Variants in UNC13B observed in about 807,000 individuals in gnomAD.
UNC13B encodes the protein protein unc-13 homolog B.
UNC13B carries 144 observed loss-of-function variants against 211.0 expected under a neutral mutation model. The observed-to-expected ratio is 0.68, with a 90% CI of 0.60 to 0.78. UNC13B has a LOEUF of 0.78. Ranked by LOEUF, UNC13B falls within the 30% of genes least tolerant of loss-of-function variation. The pLI is 0.00. For synonymous variants in UNC13B, 709 were observed against 725.8 expected (o/e 0.98, Z 0.37); for missense variants, 1,777 against 2,002.0 (o/e 0.89, Z 2.14).
intron 7 of UNC13B, among the ~76,000 whole-genome samples, chr9:35,281,298 C>T (rs1828473430): frequency 6.7e-6 from 1 of 150,248 alleles, no homozygotes; most frequent in Admixed American, 6.6e-5. Flanking sequence ...TTCCTGTAAT[C>T]GCAGCTACTC....
intron 7 of UNC13B, chr9:35,290,946 C>CAAGTGAGGTAGGCTT (rs1829067566): frequency 1.1e-6 from 1 of 886,422 alleles, no homozygotes; most frequent in African/African-American, 1.7e-5. Context: ...TAGTAGAATA[C>CAAGTGAGGTAGGCTT]AAGTGAGGTA....
At chr9:35,397,589 G>T (rs1835968148) in intron 29 of UNC13B, 46 bp from the exon 30 acceptor site, 1 of 1,575,904 alleles carries the variant, frequency 6.3e-7, no homozygotes, top group Non-Finnish European at 8.6e-7. Flanking sequence ...CCCCATAGAA[G>T]AGCTAAGAGT....
intron 6 of UNC13B, among the ~76,000 whole-genome samples, chr9:35,245,082 G>C (rs908096192): frequency 6.6e-6 from 1 of 151,750 alleles, no homozygotes; most frequent in South Asian, 2.1e-4. Context: ...TTGTGTTTTC[G>C]TTCTTCCCAA....
chr9:35,232,466 G>T (rs1235536446), intron 3 of UNC13B, among the ~76,000 whole-genome samples: 1 of 151,914 alleles, frequency 6.6e-6, no homozygotes, highest in Non-Finnish European at 1.5e-5. Flanking sequence ...ACAGGTGTTA[G>T]CCACTGCACC....
chr9:35,227,435 A>C (rs1296254520), intron 1 of UNC13B, among the ~76,000 whole-genome samples: 1 of 151,976 alleles, frequency 6.6e-6, no homozygotes, highest in Non-Finnish European at 1.5e-5. Flanking sequence ...GTTTTCCTGC[A>C]TGTATGGTCT....
chr9:35,185,218 C>A (rs1409705921), intron 1 of UNC13B, among the ~76,000 whole-genome samples: 1 of 152,200 alleles, frequency 6.6e-6, no homozygotes, highest in Non-Finnish European at 1.5e-5. Flanking sequence ...GAAGTCCTGG[C>A]TACAAATCAC....
rs776598642 is a variant in UNC13B at position 35,231,194 on chromosome 9, C to T, written c.127C>T (p.Pro43Ser). 4 of 1,612,984 alleles carry T rather than the reference C, an allele frequency of 2.5e-6. No individual in the cohort carries two copies. The East Asian group carries it at 8.9e-5, about 36-fold the overall frequency. Residue 43 changes from proline (P) to serine (S), a missense_variant, in exon 3 of 40, where the codon CCT becomes TCT. Transcript: ENST00000635942. ...STTVAVRGDQ[P>S]SWEQDFMFEI... ...AACTGTAGCAGTTCGTGGTGATCAG[C>T]CTTCCTGGGAACAGGATTTCATGTT...
At chr9:35,403,649 A>C in intron 39 of UNC13B, 50 bp downstream of exon 39, 1 of 245,058 alleles carries the variant, frequency 4.1e-6, no homozygotes. Flanking sequence ...GTAAGACTTG[A>C]GGGGTGGGGG....
At chr9:35,396,765 A>G in intron 27 of UNC13B, 76 bp from the exon 28 acceptor site, 2 of 1,603,036 alleles carry the variant, frequency 1.2e-6, no homozygotes, top group South Asian at 1.1e-5. Context: ...CGAGGACCCC[A>G]GTCTGGTGGA....
chr9:35,341,385 C>T (rs1467206581), intron 11 of UNC13B, among the ~76,000 whole-genome samples: 2 of 152,180 alleles, frequency 1.3e-5, no homozygotes, highest in Non-Finnish European at 2.9e-5. Flanking sequence ...GATCACTGTA[C>T]CTATCCTTCA....
At chr9:35,168,703 C>CTTT (rs34612376) in intron 1 of UNC13B, among the ~76,000 whole-genome samples, 4 of 135,838 alleles carry the variant, frequency 2.9e-5, no homozygotes, top group Non-Finnish European at 4.7e-5. Context: ...GTATTACTTG[C>CTTT]TTTTTTTTTT....
intron 7 of UNC13B, among the ~76,000 whole-genome samples, chr9:35,289,212 C>T (rs1210828013): frequency 6.6e-6 from 1 of 152,074 alleles, no homozygotes; most frequent in Non-Finnish European, 1.5e-5. Flanking sequence ...GTCCCGTATG[C>T]CCAGGATTGA....
At chr9:35,337,059 G>A (rs1421030099) in intron 11 of UNC13B, among the ~76,000 whole-genome samples, 1 of 151,840 alleles carries the variant, frequency 6.6e-6, no homozygotes, top group African/African-American at 2.4e-5. Flanking sequence ...GGCAGGTCAA[G>A]AAAGAACTTT....
At chr9:35,372,133 G>T (rs773935167) in intron 13 of UNC13B, among the ~76,000 whole-genome samples, 1 of 152,174 alleles carries the variant, frequency 6.6e-6, no homozygotes, top group South Asian at 2.1e-4. Flanking sequence ...TTAGCCAGCC[G>T]TGGTGGCGAG....
intron 11 of UNC13B, among the ~76,000 whole-genome samples, chr9:35,318,518 C>A (rs1830578372): frequency 2.0e-5 from 3 of 152,120 alleles, no homozygotes; most frequent in Admixed American, 1.3e-4. Context: ...TGCTTCTTTA[C>A]CCGTTTTTAT....
chr9:35,167,106 C>T (rs962058660), intron 1 of UNC13B, among the ~76,000 whole-genome samples: 3 of 152,228 alleles, frequency 2.0e-5, no homozygotes, highest in East Asian at 1.9e-4. Context: ...GAGACAGTCT[C>T]GCTGTGTCGC....
Position 35,352,046 on chromosome 9 carries a change from G to A in UNC13B, c.9415-14901G>A, listed in dbSNP as rs971835372. The A allele has an allele frequency of 1.6e-5, 20 of 1,232,094 alleles. No homozygotes were observed. The African/African-American group carries it at 2.0e-4, about 12-fold the overall frequency. The allele number at this position is 1,232,094 out of a possible 1,614,324, so 76.3% of individuals were successfully genotyped here. On this transcript the variant is annotated intron_variant, in intron 11 of 39. Transcript: ENST00000635942. The stretch of plus-strand genomic sequence containing the variant: ...GCACTTGAGCCAAGTCCAGGGTTCC[G>A]TGGATGAAGTCTCTAGCTGTGTAGA...
At chr9:35,393,575 T>C (rs1835677899) in intron 26 of UNC13B, among the ~76,000 whole-genome samples, 1 of 102,996 alleles carries the variant, frequency 9.7e-6, no homozygotes, top group African/African-American at 3.7e-5. Flanking sequence ...ACTCTCTCTC[T>C]TTTTTTTTTT....
intron 1 of UNC13B, among the ~76,000 whole-genome samples, chr9:35,164,998 T>G (rs1322423677): frequency 6.6e-6 from 1 of 152,212 alleles, no homozygotes; most frequent in Non-Finnish European, 1.5e-5. Context: ...TGTGTTCAGC[T>G]GTGGTATTTC....
Sources: gnomAD v4.1 joint callset for allele counts (sites outside exome capture counted in the v4.1 genomes callset) on GRCh38, gnomAD v4.1.1 for gene constraint, MANE v1.5 for transcripts, NCBI Gene and HGNC (gene_info 2026-07-23, HGNC 2026-07-21) for gene names.